GATAD1: variants seen among roughly 807,000 people sequenced by gnomAD.
GATAD1 encodes GATA zinc finger domain containing 1.
Under a neutral mutation model 26.5 loss-of-function variants are expected in GATAD1, and 12 were observed. The ratio of observed to expected loss-of-function variants is 0.45; its 90% CI spans 0.29 to 0.73. The LOEUF is 0.73. GATAD1 is among the 30% of genes least tolerant of loss of function. The pLI, the probability that GATAD1 is intolerant of heterozygous loss-of-function variation, is 0.10. For synonymous variants in GATAD1, 129 were observed against 133.1 expected, an observed-to-expected ratio of 0.97 and a Z score of 0.21; for missense variants, 266 against 342.1, an observed-to-expected ratio of 0.78 and a Z score of 1.75.
chr7:92,452,339 G>A (rs1343324883), intron 3 of GATAD1, among the ~76,000 whole-genome samples: 5 of 152,250 alleles, frequency 3.3e-5, no homozygotes. Flanking sequence ...CAAATGCCCA[G>A]TATTGTAGTG....
At chr7:92,493,422 C>T in the GATAD1 span, 1 of 181,612 alleles carries the variant, frequency 5.5e-6, no homozygotes, top group Non-Finnish European at 1.1e-5. Context: ...ATCACTTGAG[C>T]CCTGGAGTTC....
rs1372187633 is a variant in GATAD1 at position 92,448,860 on chromosome 7, A to G, written c.358A>G (p.Ile120Val). 1.9e-6 allele frequency: 3 copies of G among 1,611,644 alleles called. No homozygotes were observed. The highest frequency in any genetic ancestry group is 2.2e-5 in the East Asian group (1 of 44,876). Reference sequence around the variant, plus strand: ...CACCAAAGGAAAAGGGAGAAGACATATATTTAAATTGAAAAATGTAAGATA... The same window carrying G: ...CACCAAAGGAAAAGGGAGAAGACATGTATTTAAATTGAAAAATGTAAGATA... ...VSTKGKGRRH[I>V]FKLKNPIKAP... The change falls in exon 2 of 5, where the codon ATA becomes GTA. Residue 120 changes from isoleucine to valine, a missense_variant. Ile to Val is a conservative substitution (Grantham distance 29, BLOSUM62 3). Transcript: ENST00000287957.
At chr7:92,448,458 C>T (rs547976154) in intron 1 of GATAD1, among the ~76,000 whole-genome samples, 1 of 152,220 alleles carries the variant, frequency 6.6e-6, no homozygotes, top group South Asian at 2.1e-4. Context: ...TAGTGTTTGT[C>T]TTGGTCAAGA....
At chr7:92,491,168 C>G in the GATAD1 span, 1 of 787,160 alleles carries the variant, frequency 1.3e-6, no homozygotes, top group Admixed American at 2.0e-5. Context: ...AACCAACCAA[C>G]CAGGAAGAAT....
At chr7:92,468,696 C>T in the GATAD1 span, 1 of 658,028 alleles carries the variant, frequency 1.5e-6, no homozygotes, top group Middle Eastern at 4.3e-4. Flanking sequence ...TCCAGCTAGT[C>T]CTGTCTCTCA....
At chr7:92,468,336 AG>A in the GATAD1 span, 1 of 172,664 alleles carries the variant, frequency 5.8e-6, no homozygotes, top group Non-Finnish European at 1.2e-5. Context: ...GTGGATGGCG[AG>A]CGAAAGCTCA....
rs1789688070 is a variant in GATAD1, at chr7:92,456,679, A to G, written c.*117A>G. 6.8e-6 allele frequency: 4 copies of G among 590,810 alleles called. No homozygotes were observed. The highest frequency in any genetic ancestry group is 8.8e-6 in the Non-Finnish European group (3 of 341,132). 36.6% of individuals were successfully genotyped at this position (590,810 alleles called of 1,614,324 possible). A position where few individuals can be genotyped will look rare whatever the true frequency, so the allele number is the denominator to read the frequency against. The stretch of plus-strand genomic sequence containing the variant: ...GGAGTCAGATTCTCTTTCTTAAAAA[A>G]CCACAAAAAAACTGGATTTCCAGTT... On this transcript the variant is annotated 3_prime_UTR_variant, in exon 5 of 5. Transcript: ENST00000287957.
At position 92,456,610 on chromosome 7, in the gene GATAD1, C is replaced by G. The variant is rs759662364; in HGVS notation, c.*48C>G. The G allele has an allele frequency of 3.3e-6, 4 of 1,228,770 alleles. No homozygotes were observed. The highest frequency in any genetic ancestry group is 1.9e-5 in the Admixed American group (1 of 52,582). 76.1% of individuals were successfully genotyped at this position (1,228,770 alleles called of 1,614,324 possible). A position where few individuals can be genotyped will look rare whatever the true frequency, so the allele number is the denominator to read the frequency against. ...CCAGGCCTGGTGTGGTGGCTCACGC[C>G]TGTAGCCCCAGCTATTGCACCACTG... On this transcript the variant is annotated 3_prime_UTR_variant, in exon 5 of 5. Coordinates refer to ENST00000287957, the MANE Select transcript of GATAD1 (RefSeq NM_021167.5).
the GATAD1 span, chr7:92,469,582 C>T: frequency 1.3e-6 from 1 of 764,716 alleles, no homozygotes; most frequent in Non-Finnish European, 2.4e-6. Context: ...AAAAAATATT[C>T]CTGAGGGTAG....
the GATAD1 span, among the ~76,000 whole-genome samples, chr7:92,490,720 T>C: frequency 6.6e-6 from 1 of 151,434 alleles, no homozygotes; most frequent in Admixed American, 6.6e-5. Context: ...CATGTACAGA[T>C]GTTACATGTA....
At chr7:92,453,432 G>T (rs1301663024) in intron 3 of GATAD1, among the ~76,000 whole-genome samples, 1 of 152,174 alleles carries the variant, frequency 6.6e-6, no homozygotes, top group Non-Finnish European at 1.5e-5. Flanking sequence ...TCATAGGGAG[G>T]ATTTAACACA....
chr7:92,483,625 G>T, the GATAD1 span, among the ~76,000 whole-genome samples: 1 of 152,352 alleles, frequency 6.6e-6, no homozygotes, highest in Non-Finnish European at 1.5e-5. Context: ...TTTTATATTT[G>T]ATGAAAAAGA....
chr7:92,449,412 T>C, intron 2 of GATAD1: 1 of 983,476 alleles, frequency 1.0e-6, no homozygotes, highest in Non-Finnish European at 1.2e-6. Flanking sequence ...AGAAAAGAGA[T>C]TGTTGAAAGA....
the GATAD1 span, among the ~76,000 whole-genome samples, chr7:92,492,557 C>T: frequency 6.6e-6 from 1 of 152,102 alleles, no homozygotes; most frequent in African/African-American, 2.4e-5. Context: ...AAAAGGGGCT[C>T]CTATTGGCCA....
At position 92,457,575 on chromosome 7, in the gene GATAD1, G is replaced by A. The variant is rs1178048106; in HGVS notation, c.*1013G>A. ...AGGCAAAAGCTGTAATTTCCAGAGAGACCATTAGGAACAGGTAGTATCTAT... is the reference window on the plus strand; with the variant it reads ...AGGCAAAAGCTGTAATTTCCAGAGAAACCATTAGGAACAGGTAGTATCTAT... On this transcript the variant is annotated 3_prime_UTR_variant, in exon 5 of 5. Transcript: ENST00000287957. 1 of 152,190 alleles carries A rather than the reference G, an allele frequency of 6.6e-6. No homozygotes were observed. 9.4% of individuals were successfully genotyped at this position (152,190 alleles called of 1,614,324 possible).
the GATAD1 span, chr7:92,469,092 C>G: frequency 2.8e-6 from 2 of 702,600 alleles, no homozygotes; most frequent in Non-Finnish European, 5.2e-6. Flanking sequence ...TTCGAAGCTC[C>G]TCTGCTCTAC....
At chr7:92,466,038 C>T in the GATAD1 span, among the ~76,000 whole-genome samples, 5 of 152,142 alleles carry the variant, frequency 3.3e-5, no homozygotes, top group Non-Finnish European at 4.4e-5. Context: ...CAACCTTAAT[C>T]TCAACTTCTC....
rs1789857584 is a variant in GATAD1, at chr7:92,459,958, A to C, written c.*3396A>C. 6.6e-6 allele frequency among the ~76,000 whole-genome samples: 1 copy of C among 152,230 alleles called. No homozygotes were observed. The highest frequency in any genetic ancestry group is 2.1e-4 in the South Asian group (1 of 4,836). ...AGTCAAGTAAAATTTAGATTGTTAC[A>C]TTCTGGGTTAGTATTAGATTGTTTT... On this transcript the variant is annotated 3_prime_UTR_variant, in exon 5 of 5. Coordinates refer to ENST00000287957, the MANE Select transcript of GATAD1 (RefSeq NM_021167.5).
chr7:92,478,933 G>A, the GATAD1 span, among the ~76,000 whole-genome samples: 1 of 152,124 alleles, frequency 6.6e-6, no homozygotes, highest in African/African-American at 2.4e-5. Flanking sequence ...CATATTAAAG[G>A]GCTGAGGTGG....
Sources: gnomAD v4.1 joint callset for allele counts (sites outside exome capture counted in the v4.1 genomes callset) on GRCh38, gnomAD v4.1.1 for gene constraint, MANE v1.5 for transcripts, NCBI Gene and HGNC (gene_info 2026-07-23, HGNC 2026-07-21) for gene names.